The following CASK variants were observed in gnomAD, a reference collection of about 807,000 sequenced individuals.
CASK encodes the protein calcium/calmodulin dependent serine protein kinase, also known as peripheral plasma membrane protein CASK.
A neutral mutation model predicts 82.9 loss-of-function variants in CASK; 4 were observed. The observed-to-expected ratio is 0.05, with a 90% CI of 0.02 to 0.11. The LOEUF (loss-of-function observed/expected upper bound fraction) is 0.11. Among genes scored for constraint, CASK ranks in the 10% least tolerant of loss-of-function variants. CASK has a pLI of 1.00. For missense variants in CASK, 358 were observed against 720.9 expected (o/e 0.50, Z 5.76); for synonymous variants, 259 against 253.5 (o/e 1.02, Z -0.20).
chrX:41,632,853 C>A (rs1483927787), intron 9 of CASK, among the ~76,000 whole-genome samples: 1 of 109,867 alleles, frequency 9.1e-6, no homozygotes, highest in African/African-American at 3.3e-5. Context: ...ACAAAGCCAG[C>A]CTGGCCAACA....
chrX:41,603,483 T>A (rs1274456944), intron 12 of CASK, among the ~76,000 whole-genome samples: 8 of 112,325 alleles, frequency 7.1e-5, no homozygotes, highest in Non-Finnish European at 1.1e-4. Flanking sequence ...ATAAAGATGT[T>A]GGCCATACAA....
chrX:41,594,066 T>C (rs781241610), intron 12 of CASK, among the ~76,000 whole-genome samples: 2 of 111,888 alleles, frequency 1.8e-5, no homozygotes, highest in African/African-American at 6.5e-5. Context: ...ATATATAAAA[T>C]GTTACTTGGG....
chrX:41,622,977 C>CTCAA (rs2066310276), intron 10 of CASK, among the ~76,000 whole-genome samples: 1 of 107,454 alleles, frequency 9.3e-6, no homozygotes, highest in Admixed American at 1.0e-4. Flanking sequence ...GCCTCCTGGG[C>CTCAA]TCAAGTGATC....
At chrX:41,718,825 C>T (rs904083475) in intron 5 of CASK, among the ~76,000 whole-genome samples, 3 of 111,421 alleles carry the variant, frequency 2.7e-5, no homozygotes, top group African/African-American at 6.5e-5. Context: ...AGAGAATTCC[C>T]GGGCTTCCTT....
chrX:41,806,292 A>G (rs559758697), intron 2 of CASK, among the ~76,000 whole-genome samples: 7 of 112,193 alleles, frequency 6.2e-5, no homozygotes, highest in African/African-American at 1.9e-4. Flanking sequence ...TTACAATCAT[A>G]TATCTAAGTA....
intron 12 of CASK, among the ~76,000 whole-genome samples, chrX:41,598,343 G>T (rs895593130): frequency 9.0e-6 from 1 of 110,917 alleles, no homozygotes; most frequent in African/African-American, 3.3e-5. Context: ...ACACTAGGAA[G>T]AAGTTTTTTT....
intron 5 of CASK, among the ~76,000 whole-genome samples, chrX:41,682,505 G>A (rs1408468274): frequency 1.2e-5 from 1 of 85,115 alleles, no homozygotes; most frequent in Non-Finnish European, 2.2e-5. Flanking sequence ...CTCCAGCCTG[G>A]GTGACAGAAT....
intron 3 of CASK, among the ~76,000 whole-genome samples, chrX:41,750,629 C>T (rs774088623): frequency 8.9e-6 from 1 of 112,139 alleles, no homozygotes; most frequent in African/African-American, 3.2e-5. Flanking sequence ...ATGAGCTTAG[C>T]TGTCTCTCCT....
chrX:41,722,139 A>C (rs777335228), intron 5 of CASK, among the ~76,000 whole-genome samples: 1 of 112,631 alleles, frequency 8.9e-6, no homozygotes, highest in South Asian at 3.7e-4. Flanking sequence ...CAAAACTTAC[A>C]CCTATCCAGG....
intron 1 of CASK, among the ~76,000 whole-genome samples, chrX:41,889,811 C>T (rs1164852328): frequency 3.6e-5 from 4 of 110,976 alleles, no homozygotes; most frequent in African/African-American, 1.3e-4. Flanking sequence ...TGACCTAATG[C>T]TATGGCCCAG....
At chrX:41,716,352 G>A (rs1362345024) in intron 5 of CASK, among the ~76,000 whole-genome samples, 4 of 112,442 alleles carry the variant, frequency 3.6e-5, no homozygotes, top group African/African-American at 1.3e-4. Flanking sequence ...ATGAAAGCAC[G>A]AAGAGCTGCC....
At chrX:41,568,740 C>G (rs1241860511) in intron 16 of CASK, among the ~76,000 whole-genome samples, 1 of 111,942 alleles carries the variant, frequency 8.9e-6, no homozygotes, top group African/African-American at 3.2e-5. Flanking sequence ...GTAGCTCATG[C>G]CTATAATCCC....
chrX:41,676,241 T>C (rs2067263164), intron 5 of CASK: 4 of 1,194,200 alleles, frequency 3.3e-6, no homozygotes, highest in Non-Finnish European at 4.5e-6. Flanking sequence ...CGTATCAACT[T>C]TCTCTCTGTA....
intron 1 of CASK, among the ~76,000 whole-genome samples, chrX:41,867,271 C>T (rs1601921548): frequency 8.9e-6 from 1 of 111,894 alleles, no homozygotes; most frequent in African/African-American, 3.2e-5. Context: ...TAGAACTGTG[C>T]CTGACACTGT....
rs2064541525 is a variant in CASK at position 41,515,884 on chromosome X, TTC to T, written c.*4534_*4535del. 8.9e-6 allele frequency: 1 copy of T among 112,352 alleles called. No homozygotes were observed. Among genetic ancestry groups the T allele is most frequent in the African/African-American group, 3.2e-5 (1 of 30,902 alleles). 9.3% of individuals were successfully genotyped at this position (112,352 alleles called of 1,213,427 possible). A position where few individuals can be genotyped will look rare whatever the true frequency, so the allele number is the denominator to read the frequency against. ...AGCTAACACATAAGTAGCAGCTAAA[TTC>T]TGAGTTTCTGAGCATACGCAGAGAT... On this transcript the variant is annotated 3_prime_UTR_variant, in exon 27 of 27. Transcript: ENST00000378163.
intron 18 of CASK, chrX:41,558,698 C>G (rs749378946): frequency 3.6e-5 from 4 of 111,047 alleles, no homozygotes; most frequent in Non-Finnish European, 7.6e-5. Flanking sequence ...AAAAAGCCAC[C>G]AAGAGGAGCT....
chrX:41,674,993 T>G, intron 5 of CASK, among the ~76,000 whole-genome samples: 1 of 112,214 alleles, frequency 8.9e-6, no homozygotes, highest in Non-Finnish European at 1.9e-5. Flanking sequence ...GTTTTTGTTT[T>G]ACTGCTGTGC....
chrX:41,530,836 T>C (rs2064791952), intron 25 of CASK, among the ~76,000 whole-genome samples, 171 bp downstream of exon 25: 1 of 112,490 alleles, frequency 8.9e-6, no homozygotes, highest in Non-Finnish European at 1.9e-5. Context: ...CAACGATTAG[T>C]CAGCTGGCAT....
intron 2 of CASK, among the ~76,000 whole-genome samples, chrX:41,824,862 C>T (rs145261804): frequency 3.0e-4 from 34 of 111,733 alleles, no homozygotes; most frequent in Non-Finnish European, 4.3e-4. Flanking sequence ...CTATCTCAGC[C>T]GTTGGAATAG....
Sources: gnomAD v4.1 joint callset for allele counts (sites outside exome capture counted in the v4.1 genomes callset) on GRCh38, gnomAD v4.1.1 for gene constraint, MANE v1.5 for transcripts, NCBI Gene and HGNC (gene_info 2026-07-23, HGNC 2026-07-21) for gene names.